Variants in ZNF507 observed in about 807,000 individuals in gnomAD.
The protein encoded by ZNF507 is zinc finger protein 507.
In ZNF507, 29 loss-of-function variants were observed where a neutral mutation model predicts 80.0. The ratio of observed to expected loss-of-function variants is 0.36; its 90% CI spans 0.27 to 0.49. The LOEUF (loss-of-function observed/expected upper bound fraction) is 0.49. ZNF507 is among the 20% of genes least tolerant of loss of function. The probability of loss-of-function intolerance (pLI) is 0.98; values close to 1 mark genes in which losing one functional copy is unlikely to be tolerated. For missense variants in ZNF507, 1,081 were observed against 1,152.2 expected, an observed-to-expected ratio of 0.94 and a Z score of 0.90; for synonymous variants, 462 against 422.5, an observed-to-expected ratio of 1.09 and a Z score of -1.15.
At chr19:32,348,327 A>T (rs967746626) in intron 2 of ZNF507, among the ~76,000 whole-genome samples, 43 of 152,234 alleles carry the variant, frequency 2.8e-4, no homozygotes, top group Middle Eastern at 3.4e-3. Flanking sequence ...CCCATTTTGG[A>T]AAAAACAAAT....
chr19:32,358,709 G>A (rs1338736292), intron 4 of ZNF507: 1 of 152,200 alleles, frequency 6.6e-6, no homozygotes, highest in African/African-American at 2.4e-5. Context: ...AACAAAACAA[G>A]CAGATCCTTA....
intron 5 of ZNF507, among the ~76,000 whole-genome samples, chr19:32,377,481 TTAA>T (rs2145341724): frequency 1.3e-5 from 2 of 152,334 alleles, no homozygotes; most frequent in South Asian, 4.1e-4. Context: ...AAACTAATGA[TTAA>T]TGATATTCAT....
At chr19:32,352,318 G>C (rs751438355) in intron 2 of ZNF507, among the ~76,000 whole-genome samples, 5 of 152,118 alleles carry the variant, frequency 3.3e-5, no homozygotes, top group Non-Finnish European at 7.4e-5. Flanking sequence ...AAACAAATTT[G>C]TGATTTTAGT....
At position 32,383,643 on chromosome 19, in the gene ZNF507, TACTC is replaced by T. The variant is rs1967652406; in HGVS notation, c.*562_*565del. 6.6e-6 allele frequency: 1 copy of T among 152,612 alleles called. No homozygotes were observed. Among genetic ancestry groups the T allele is most frequent in the African/African-American group, 2.4e-5 (1 of 41,448 alleles). 9.5% of individuals were successfully genotyped at this position (152,612 alleles called of 1,614,324 possible). ...TACCTAAATTGATAGAAATTAATCA[TACTC>T]AATCTAGGACATGTTCCTTTACTCC... On this transcript the variant is annotated 3_prime_UTR_variant, in exon 7 of 7. Transcript: ENST00000355898.
At chr19:32,376,122 T>C (rs1967542714) in intron 5 of ZNF507, among the ~76,000 whole-genome samples, 1 of 152,196 alleles carries the variant, frequency 6.6e-6, no homozygotes, top group South Asian at 2.1e-4. Context: ...AAATACTTTA[T>C]TGTAGAAAGT....
At position 32,382,833 on chromosome 19, in the gene ZNF507, C is replaced by G; in HGVS notation, c.2612C>G (p.Pro871Arg). 1 of 1,614,098 alleles carries G rather than the reference C, an allele frequency of 6.2e-7. No homozygotes were observed. The highest frequency in any genetic ancestry group is 8.5e-7 in the Non-Finnish European group (1 of 1,180,026). ...TCTTCAGAACTGATGTCCCAGACTC[C>G]CAGTGAAGTTCTGGGTACCAACGAG... ...VSSSELMSQT[P>R]SEVLGTNENE... Residue 871 changes from proline (P) to arginine (R), a missense_variant, in exon 7 of 7, where the codon CCC becomes CGC. Pro to Arg is a moderately radical substitution (Grantham distance 103, BLOSUM62 -2). Around this residue, in one of 6 missense-constraint regions of ZNF507, gnomAD observed 138 missense variants for 158.4 expected, o/e 0.87. Coordinates refer to ENST00000355898, the MANE Select transcript of ZNF507 (RefSeq NM_001136156.2).
At position 32,384,913 on chromosome 19, in the gene ZNF507, CCTT is replaced by C. The variant is rs1280587597; in HGVS notation, c.*1831_*1833del. On this transcript the variant is annotated 3_prime_UTR_variant, in exon 7 of 7. Transcript: ENST00000355898. ...GTATGTGGACTTATATTCATTTTCT[CCTT>C]TTTTCGGAATTGAAACATTTTAATT... The C allele has an allele frequency of 6.6e-6, 1 of 152,026 alleles. No individual in the cohort carries two copies. The highest frequency in any genetic ancestry group is 2.4e-5 in the African/African-American group (1 of 41,400). The allele number at this position is 152,026 out of a possible 1,614,324, so 9.4% of individuals were successfully genotyped here. A position where few individuals can be genotyped will look rare whatever the true frequency, so the allele number is the denominator to read the frequency against.
chr19:32,368,412 G>A (rs980618685), intron 5 of ZNF507, among the ~76,000 whole-genome samples: 1 of 152,188 alleles, frequency 6.6e-6, no homozygotes, highest in Non-Finnish European at 1.5e-5. Context: ...ATTTCTCCTT[G>A]TGGACTTTGC....
At chr19:32,382,664 T>C in intron 6 of ZNF507, 53 bp from the exon 7 acceptor site, 3 of 1,611,466 alleles carry the variant, frequency 1.9e-6, no homozygotes, top group African/African-American at 1.3e-5. Flanking sequence ...TTAAATCTAC[T>C]AGTCCTACAT....
chr19:32,365,891 C>A (rs548611761), intron 5 of ZNF507, among the ~76,000 whole-genome samples: 6 of 152,320 alleles, frequency 3.9e-5, no homozygotes, highest in Admixed American at 1.3e-4. Context: ...TAAATGTTGA[C>A]TGATAGTTGT....
chr19:32,374,421 A>G (rs1250281138), intron 5 of ZNF507, among the ~76,000 whole-genome samples: 1 of 149,736 alleles, frequency 6.7e-6, no homozygotes, highest in African/African-American at 2.4e-5. Context: ...ATATCATTAT[A>G]TTATCTGCAA....
intron 5 of ZNF507, among the ~76,000 whole-genome samples, chr19:32,371,883 C>G (rs1417167705): frequency 6.6e-6 from 1 of 152,066 alleles, no homozygotes; most frequent in African/African-American, 2.4e-5. Context: ...TCGTGAACCG[C>G]CTGCCTCGGC....
chr19:32,346,791 TTAGAAGATATATAGGTCA>T (rs1393855960), intron 1 of ZNF507, among the ~76,000 whole-genome samples: 2 of 152,220 alleles, frequency 1.3e-5, no homozygotes, highest in African/African-American at 4.8e-5. Flanking sequence ...GGAAACTGCG[TTAGAAGATATATAGGTCA>T]CACCACTGTG....
rs1967291448 is a variant in ZNF507, at chr19:32,359,353, T to C, written c.2246-1151T>C. ...GATTTTCTTTGTTGAAATTTCAGTG[T>C]GGGTTTTCCTTTGTATAATACCACG... On this transcript the variant is annotated intron_variant, in intron 4 of 6. Transcript: ENST00000355898. The C allele has an allele frequency of 2.0e-5, 3 of 152,228 alleles. No homozygotes were observed. In the South Asian group the frequency reaches 6.2e-4, roughly 32 times the overall value. The allele number at this position is 152,228 out of a possible 1,614,324, so 9.4% of individuals were successfully genotyped here.
intron 1 of ZNF507, among the ~76,000 whole-genome samples, chr19:32,346,031 C>A (rs1465448349): frequency 6.6e-6 from 1 of 152,234 alleles, no homozygotes; most frequent in African/African-American, 2.4e-5. Flanking sequence ...CTGTCACCAG[C>A]CCGGCCCGCC....
At chr19:32,380,576 CGTTATTGCTGACT>C (rs1021045709) in intron 5 of ZNF507, 24 of 1,534,752 alleles carry the variant, frequency 1.6e-5, no homozygotes, top group South Asian at 4.8e-5. Context: ...CTTTGTGCCT[CGTTATTGCTGACT>C]GTGTCTCTTA....
intron 5 of ZNF507, chr19:32,380,630 T>G (rs1427384723): frequency 2.6e-6 from 4 of 1,535,048 alleles, no homozygotes; most frequent in Admixed American, 2.0e-5. Flanking sequence ...GGTAAGTAAG[T>G]TATCTGGTTT....
At chr19:32,376,299 C>T (rs964927817) in intron 5 of ZNF507, among the ~76,000 whole-genome samples, 7 of 151,822 alleles carry the variant, frequency 4.6e-5, no homozygotes, top group East Asian at 1.9e-4. Context: ...TTTTCTACAG[C>T]GAATTTTTGA....
At chr19:32,356,116 A>G (rs1458473509) in intron 3 of ZNF507, among the ~76,000 whole-genome samples, 1 of 152,208 alleles carries the variant, frequency 6.6e-6, no homozygotes, top group African/African-American at 2.4e-5. Flanking sequence ...AAGTTCCTGA[A>G]GTCTCCAGGA....
Sources: gnomAD v4.1 joint callset for allele counts (sites outside exome capture counted in the v4.1 genomes callset) on GRCh38, gnomAD v4.1.1 for gene constraint, gnomAD v4.1.1 regional missense constraint, MANE v1.5 for transcripts, NCBI Gene and HGNC (gene_info 2026-07-23, HGNC 2026-07-21) for gene names.